Variants in RAD54L2 observed in about 807,000 individuals in gnomAD.
RAD54L2 encodes the protein helicase ARIP4.
RAD54L2 carries 27 observed loss-of-function variants against 138.4 expected under a neutral mutation model. That is an observed-to-expected ratio of 0.20 (90% CI 0.14 to 0.27). The LOEUF is 0.27. Ranked by LOEUF, RAD54L2 falls within the 10% of genes least tolerant of loss-of-function variation. The pLI is 1.00. For missense variants in RAD54L2, 1,396 were observed against 1,890.2 expected (o/e 0.74, Z 4.85); for synonymous variants, 644 against 723.2 (o/e 0.89, Z 1.76).
intron 19 of RAD54L2, among the ~76,000 whole-genome samples, chr3:51,647,624 G>A (rs1362115652): frequency 5.9e-5 from 9 of 152,174 alleles, no homozygotes; most frequent in East Asian, 1.9e-4. Flanking sequence ...AGCCGAGATC[G>A]CGCCATTGCA....
chr3:51,609,795 A>G (rs569176043), intron 3 of RAD54L2, among the ~76,000 whole-genome samples: 98 of 151,926 alleles, frequency 6.5e-4, no homozygotes, highest in Non-Finnish European at 1.1e-3. Flanking sequence ...AATAAAATAA[A>G]CAGAATGAGC....
intron 2 of RAD54L2, among the ~76,000 whole-genome samples, chr3:51,587,223 C>T (rs1466962953): frequency 6.6e-6 from 1 of 152,026 alleles, no homozygotes; most frequent in Admixed American, 6.6e-5. Context: ...GCCTCAGCCT[C>T]CCAAGTAGCT....
At chr3:51,652,857 A>T (rs1378769404) in intron 19 of RAD54L2, among the ~76,000 whole-genome samples, 28 of 152,336 alleles carry the variant, frequency 1.8e-4, no homozygotes, top group Admixed American at 2.6e-4. Flanking sequence ...ACCATTCAGG[A>T]CATAGGCATG....
intron 3 of RAD54L2, among the ~76,000 whole-genome samples, chr3:51,598,177 G>GTATATATATATATA (rs71084152): frequency 7.4e-6 from 1 of 135,258 alleles, no homozygotes; most frequent in African/African-American, 2.7e-5. Flanking sequence ...GTGTGTGTGT[G>GTATATATATATATA]TATATATATA....
At chr3:51,650,260 A>T (rs1701395392) in intron 19 of RAD54L2, among the ~76,000 whole-genome samples, 1 of 152,240 alleles carries the variant, frequency 6.6e-6, no homozygotes. Flanking sequence ...TATGCACCCA[A>T]TACAGGAGCA....
Position 51,637,080 on chromosome 3 carries a change from A to G in RAD54L2, c.1340-81A>G. The G allele has an allele frequency of 1.6e-6, 2 of 1,229,826 alleles. No homozygotes were observed. Among genetic ancestry groups the G allele is most frequent in the South Asian group, 1.3e-5 (1 of 76,992 alleles). The allele number at this position is 1,229,826 out of a possible 1,614,324, so 76.2% of individuals were successfully genotyped here. On this transcript the variant is annotated intron_variant, in intron 10 of 22. Coordinates refer to ENST00000684192, the MANE Select transcript of RAD54L2 (RefSeq NM_015106.4). This position sits in a 1 kb window ranked among gnomAD's most constrained non-coding sequence, Gnocchi z 5.9. ...TTCCTTCATTTCTTCTGTCTCCTCCAGGGTGCACCCCTACTTCTCATATTA... is the reference window on the plus strand; with the variant it reads ...TTCCTTCATTTCTTCTGTCTCCTCCGGGGTGCACCCCTACTTCTCATATTA...
intron 2 of RAD54L2, among the ~76,000 whole-genome samples, chr3:51,567,007 T>G (rs1371411429): frequency 1.3e-5 from 2 of 152,218 alleles, no homozygotes; most frequent in African/African-American, 4.8e-5. Flanking sequence ...TACTCTTTCA[T>G]GAGATTGTAA....
At position 51,636,224 on chromosome 3, in the gene RAD54L2, C is replaced by T. The variant is rs535408115; in HGVS notation, c.1339+435C>T. ...TTATCCCAGTTGTTTTTAGTGAAAA[C>T]CATTCCTGTCATAGTTCTAATTCTA... On this transcript the variant is annotated intron_variant, in intron 10 of 22. Coordinates refer to ENST00000684192, the MANE Select transcript of RAD54L2 (RefSeq NM_015106.4). Among the ~76,000 whole-genome samples the T allele has an allele frequency of 2.6e-5, 4 of 152,300 alleles. No individual in the cohort carries two copies. The East Asian group carries it at 7.7e-4, about 29-fold the overall frequency.
intron 3 of RAD54L2, among the ~76,000 whole-genome samples, chr3:51,597,586 G>A (rs915306799): frequency 6.6e-6 from 1 of 152,124 alleles, no homozygotes; most frequent in Non-Finnish European, 1.5e-5. Flanking sequence ...CCAGCACCTT[G>A]GGAGGCCAAG....
Position 51,638,219 on chromosome 3 carries a change from C to A in RAD54L2, c.1758C>A (p.Ile586=). The A allele has an allele frequency of 6.2e-7, 1 of 1,613,944 alleles. No homozygotes were observed. The highest frequency in any genetic ancestry group is 1.7e-5 in the Admixed American group (1 of 60,018). The change falls in exon 12 of 23, where the codon ATC becomes ATA. Residue 586 remains isoleucine (I), a synonymous_variant. Coordinates refer to ENST00000684192, the MANE Select transcript of RAD54L2 (RefSeq NM_015106.4). This position sits in a 1 kb window ranked among gnomAD's most constrained non-coding sequence, Gnocchi z 4.3. ...TGATCCTTGTGCGGCTCTCCAAGATCCAGCGAGATTTGTATACACAGTTCA... is the reference window on the plus strand; with the variant it reads ...TGATCCTTGTGCGGCTCTCCAAGATACAGCGAGATTTGTATACACAGTTCA... ...ENVILVRLSK[I]QRDLYTQFMD...
intron 3 of RAD54L2, among the ~76,000 whole-genome samples, chr3:51,624,420 GTTTAT>G (rs1170857188): frequency 2.6e-5 from 4 of 151,830 alleles, no homozygotes; most frequent in African/African-American, 9.7e-5. Flanking sequence ...ATTTAATTTA[GTTTAT>G]TTTCTTTCTT....
intron 3 of RAD54L2, among the ~76,000 whole-genome samples, chr3:51,622,388 G>GT (rs1265750028): frequency 2.0e-5 from 3 of 152,154 alleles, no homozygotes; most frequent in African/African-American, 7.2e-5. Flanking sequence ...TTACAGACCG[G>GT]TGGTAATGGA....
intron 2 of RAD54L2, among the ~76,000 whole-genome samples, chr3:51,565,035 G>C (rs887561725): frequency 1.3e-5 from 2 of 152,146 alleles, no homozygotes; most frequent in African/African-American, 4.8e-5. Context: ...TTAGAACAAA[G>C]AGGCCTTTTC....
chr3:51,646,716 T>A (rs1387950348), intron 19 of RAD54L2, among the ~76,000 whole-genome samples: 1 of 152,142 alleles, frequency 6.6e-6, no homozygotes, highest in Non-Finnish European at 1.5e-5. Flanking sequence ...CAGGAGAGTC[T>A]TTCTGGACAC....
intron 3 of RAD54L2, among the ~76,000 whole-genome samples, chr3:51,624,255 C>G (rs1700630203): frequency 7.7e-6 from 1 of 129,726 alleles, no homozygotes; most frequent in African/African-American, 2.9e-5. Context: ...TTTTTTTAGA[C>G]AGGGTCTTGC....
chr3:51,554,701 G>A (rs1698922312), intron 2 of RAD54L2, among the ~76,000 whole-genome samples: 1 of 152,104 alleles, frequency 6.6e-6, no homozygotes, highest in Non-Finnish European at 1.5e-5. Context: ...GGCCCTCCCA[G>A]TCCTGAAGAG....
chr3:51,650,192 CCATTAGA>C (rs1273603037), intron 19 of RAD54L2, among the ~76,000 whole-genome samples: 1 of 152,086 alleles, frequency 6.6e-6, no homozygotes, highest in African/African-American at 2.4e-5. Context: ...ACAAAGAAGG[CCATTAGA>C]CAATGGTAAA....
chr3:51,566,120 G>T (rs531799637), intron 2 of RAD54L2, among the ~76,000 whole-genome samples: 1 of 152,112 alleles, frequency 6.6e-6, no homozygotes, highest in Non-Finnish European at 1.5e-5. Flanking sequence ...GAGCCACTGC[G>T]CCCAGCACTG....
At chr3:51,564,669 C>T (rs1699172781) in intron 2 of RAD54L2, among the ~76,000 whole-genome samples, 1 of 152,200 alleles carries the variant, frequency 6.6e-6, no homozygotes, top group Non-Finnish European at 1.5e-5. Context: ...GTAATCCCAG[C>T]ACTTTGGGAG....
Sources: gnomAD v4.1 joint callset for allele counts (sites outside exome capture counted in the v4.1 genomes callset) on GRCh38, gnomAD v4.1.1 for gene constraint, Gnocchi (gnomAD v3.1) non-coding constraint, MANE v1.5 for transcripts, NCBI Gene and HGNC (gene_info 2026-07-23, HGNC 2026-07-21) for gene names.